WDR49: variants seen among roughly 807,000 people sequenced by gnomAD.
The protein encoded by WDR49 is WD repeat domain 49.
Under a neutral mutation model 119.5 loss-of-function variants are expected in WDR49, and 107 were observed. The observed-to-expected ratio is 0.90, with a 90% CI of 0.77 to 1.05. The LOEUF is 1.05. Ranked by LOEUF, WDR49 falls within the 50% of genes least tolerant of loss-of-function variation. The probability of loss-of-function intolerance (pLI) is 0.00; values close to 1 mark genes in which losing one functional copy is unlikely to be tolerated. For missense variants in WDR49, 1,240 were observed against 1,220.5 expected (o/e 1.02, Z -0.24); for synonymous variants, 425 against 418.8 (o/e 1.01, Z -0.18).
intron 16 of WDR49, 55 bp from the exon 17 acceptor site, chr3:167,505,471 CTCTT>C (rs1577203768): frequency 1.4e-6 from 2 of 1,437,282 alleles, no homozygotes; most frequent in Non-Finnish European, 1.8e-6. Flanking sequence ...GATGGAGAAA[CTCTT>C]TCTGGCTATG....
chr3:167,533,707 A>C (rs1238534232), intron 11 of WDR49, among the ~76,000 whole-genome samples: 2 of 152,116 alleles, frequency 1.3e-5, no homozygotes, highest in Non-Finnish European at 2.9e-5. Context: ...CAAATAGCCC[A>C]AAAGCCCAAA....
At chr3:167,564,444 C>G (rs1173357730) in intron 8 of WDR49, among the ~76,000 whole-genome samples, 1 of 152,192 alleles carries the variant, frequency 6.6e-6, no homozygotes, top group African/African-American at 2.4e-5. Context: ...ATTCACTACA[C>G]GACAATGGAA....
upstream of WDR49, among the ~76,000 whole-genome samples, chr3:167,656,619 T>C (rs1406507647): frequency 6.6e-6 from 1 of 152,202 alleles, no homozygotes; most frequent in Non-Finnish European, 1.5e-5. Flanking sequence ...GCTAACAAAT[T>C]ACAGTAGAAG....
chr3:167,505,898 G>A lies in WDR49; in HGVS notation c.2775-482C>T, dbSNP rs190211826. On this transcript the variant is annotated intron_variant, in intron 16 of 18. Coordinates refer to ENST00000682715, the MANE Select transcript of WDR49 (RefSeq NM_001366157.1). ...TATGAATCTATAAGAAAATTTTAGCGTAACTTGAATTCACAGAAAGGATTT... is the reference window on the plus strand; with the variant it reads ...TATGAATCTATAAGAAAATTTTAGCATAACTTGAATTCACAGAAAGGATTT... Among the ~76,000 whole-genome samples, 338 of 152,182 alleles carry A rather than the reference G, an allele frequency of 2.2e-3. 2 individuals are homozygous for A. Among genetic ancestry groups the A allele is most frequent in the African/African-American group, 7.9e-3 (329 of 41,514 alleles).
At chr3:167,498,452 G>C (rs983043638) in intron 18 of WDR49, among the ~76,000 whole-genome samples, 1 of 152,122 alleles carries the variant, frequency 6.6e-6, no homozygotes, top group Non-Finnish European at 1.5e-5. Context: ...AGGGTGGAGG[G>C]GGGAGGGTGA....
chr3:167,503,986 G>A (rs1021150989), intron 17 of WDR49, among the ~76,000 whole-genome samples: 4 of 152,188 alleles, frequency 2.6e-5, no homozygotes, highest in African/African-American at 9.7e-5. Context: ...TGATTGGTCA[G>A]GTGTGAGCTA....
chr3:167,656,751 C>T (rs1718614608), upstream of WDR49, among the ~76,000 whole-genome samples: 1 of 152,150 alleles, frequency 6.6e-6, no homozygotes, highest in Non-Finnish European at 1.5e-5. Flanking sequence ...AGGTTAAATT[C>T]CTGCGGCACT....
intron 16 of WDR49, among the ~76,000 whole-genome samples, chr3:167,514,660 C>T (rs994080444): frequency 2.7e-5 from 4 of 149,806 alleles, no homozygotes; most frequent in Non-Finnish European, 5.9e-5. Flanking sequence ...CACACACACA[C>T]ACACACACAC....
At chr3:167,506,533 G>C (rs1385230556) in intron 16 of WDR49, among the ~76,000 whole-genome samples, 2 of 152,090 alleles carry the variant, frequency 1.3e-5, no homozygotes, top group African/African-American at 4.8e-5. Flanking sequence ...GCTTTAAGTA[G>C]TAATGTATTA....
chr3:167,636,144 G>A (rs920585148), intron 2 of WDR49, among the ~76,000 whole-genome samples: 1 of 151,398 alleles, frequency 6.6e-6, no homozygotes, highest in South Asian at 2.1e-4. Context: ...AGTCCCCAAA[G>A]TTCATTGTAT....
chr3:167,580,228 A>C (rs1194630159), intron 7 of WDR49, among the ~76,000 whole-genome samples: 1 of 152,160 alleles, frequency 6.6e-6, no homozygotes, highest in Non-Finnish European at 1.5e-5. Flanking sequence ...AAACTCTCTC[A>C]ACTAACGATC....
intron 7 of WDR49, among the ~76,000 whole-genome samples, chr3:167,580,607 C>T (rs955862619): frequency 1.3e-5 from 2 of 152,140 alleles, no homozygotes; most frequent in African/African-American, 4.8e-5. Context: ...TTAGTAATAT[C>T]GCATAGCTTA....
chr3:167,632,173 A>G (rs1717406168), intron 2 of WDR49, among the ~76,000 whole-genome samples: 1 of 152,104 alleles, frequency 6.6e-6, no homozygotes, highest in South Asian at 2.1e-4. Flanking sequence ...ATAAAACAAC[A>G]TTTAAAAGCA....
intron 18 of WDR49, among the ~76,000 whole-genome samples, chr3:167,490,905 A>C (rs1751109528): frequency 6.6e-6 from 1 of 151,474 alleles, no homozygotes; most frequent in Non-Finnish European, 1.5e-5. Context: ...ACAAATTGTC[A>C]ACTCTCCAAA....
intron 8 of WDR49, among the ~76,000 whole-genome samples, chr3:167,568,888 C>T (rs1713764253): frequency 6.6e-6 from 1 of 152,000 alleles, no homozygotes; most frequent in African/African-American, 2.4e-5. Context: ...CTCACCACAA[C>T]AGCAACAGGG....
intron 5 of WDR49, among the ~76,000 whole-genome samples, chr3:167,604,995 T>G (rs1715979301): frequency 6.6e-6 from 1 of 151,632 alleles, no homozygotes; most frequent in African/African-American, 2.4e-5. Context: ...TATTTTGGTA[T>G]AATAACTTAA....
chr3:167,616,614 A>G (rs1271359414), intron 5 of WDR49, among the ~76,000 whole-genome samples: 2 of 150,756 alleles, frequency 1.3e-5, no homozygotes, highest in Non-Finnish European at 2.9e-5. Context: ...AAATAATTAG[A>G]GTCCTATTAA....
At chr3:167,569,059 C>A (rs555876733) in intron 8 of WDR49, among the ~76,000 whole-genome samples, 1 of 151,800 alleles carries the variant, frequency 6.6e-6, no homozygotes, top group Non-Finnish European at 1.5e-5. Flanking sequence ...TCTCTGCCTC[C>A]GCCTCCTGAG....
chr3:167,571,679 T>C (rs1047026888), intron 8 of WDR49, among the ~76,000 whole-genome samples: 10 of 152,218 alleles, frequency 6.6e-5, no homozygotes, highest in African/African-American at 2.2e-4. Flanking sequence ...CAGAGCCTTG[T>C]TTACGTAAAA....
Sources: gnomAD v4.1 joint callset for allele counts (sites outside exome capture counted in the v4.1 genomes callset) on GRCh38, gnomAD v4.1.1 for gene constraint, MANE v1.5 for transcripts, NCBI Gene and HGNC (gene_info 2026-07-23, HGNC 2026-07-21) for gene names.